The following CCDC171 variants were observed in gnomAD, a reference collection of about 807,000 sequenced individuals.
CCDC171 encodes coiled-coil domain-containing protein 171.
In CCDC171, 177 loss-of-function variants were observed where a neutral mutation model predicts 168.2. The ratio of observed to expected loss-of-function variants is 1.05; its 90% CI spans 0.93 to 1.19. CCDC171 has a LOEUF of 1.19. CCDC171 is among the 50% of genes most tolerant of loss of function. The pLI, the probability that CCDC171 is intolerant of heterozygous loss-of-function variation, is 0.00. For synonymous variants in CCDC171, 687 were observed against 540.8 expected (o/e 1.27, Z -3.75); for missense variants, 1,991 against 1,539.0 (o/e 1.29, Z -4.91).
At chr9:15,579,284 G>A (rs184488727) in intron 4 of CCDC171, among the ~76,000 whole-genome samples, 65 of 152,286 alleles carry the variant, frequency 4.3e-4, no homozygotes, top group Admixed American at 1.2e-3. Context: ...CTTTTTAGAA[G>A]CACTTCTTCC....
intron 2 of CCDC171, among the ~76,000 whole-genome samples, chr9:15,566,663 A>C (rs111645979): frequency 2.0e-5 from 3 of 152,328 alleles, no homozygotes; most frequent in African/African-American, 7.2e-5. Flanking sequence ...GAAATGCACA[A>C]GTTTTTAACT....
intron 3 of CCDC171, among the ~76,000 whole-genome samples, chr9:16,018,960 A>AC (rs372233520): frequency 6.6e-5 from 10 of 152,310 alleles, no homozygotes; most frequent in African/African-American, 2.4e-4. Context: ...AAGATTGAAC[A>AC]ATTTTTCCTA....
At chr9:15,681,780 C>G (rs1327906302) in intron 10 of CCDC171, among the ~76,000 whole-genome samples, 1 of 151,964 alleles carries the variant, frequency 6.6e-6, no homozygotes. Context: ...CATTCACAGT[C>G]TGGCTGTTAT....
chr9:16,036,568 C>T (rs942400424), intron 8 of CCDC171, among the ~76,000 whole-genome samples: 3 of 152,190 alleles, frequency 2.0e-5, no homozygotes, highest in Non-Finnish European at 4.4e-5. Flanking sequence ...GGCGTGAACC[C>T]GGGAGGTGGA....
At chr9:15,600,446 C>G (rs1037137709) in intron 6 of CCDC171, among the ~76,000 whole-genome samples, 3 of 152,196 alleles carry the variant, frequency 2.0e-5, no homozygotes, top group Non-Finnish European at 4.4e-5. Flanking sequence ...GGCTGCAGAA[C>G]AGCAGATATT....
chr9:15,755,377 A>G (rs7870166), intron 18 of CCDC171, among the ~76,000 whole-genome samples: 7,051 of 152,280 alleles, frequency 0.046, 352 homozygotes, highest in South Asian at 0.13. Flanking sequence ...AGTTCATTAA[A>G]AAGTTAAGCA....
intron 25 of CCDC171, among the ~76,000 whole-genome samples, chr9:15,957,858 T>A (rs1244189412): frequency 6.6e-6 from 1 of 152,168 alleles, no homozygotes; most frequent in Non-Finnish European, 1.5e-5. Context: ...TTTCTTTCTT[T>A]TTCTTAGTGG....
intron 16 of CCDC171, among the ~76,000 whole-genome samples, chr9:15,740,382 TC>T (rs1424910154): frequency 8.7e-6 from 1 of 115,182 alleles, no homozygotes; most frequent in Non-Finnish European, 2.0e-5. Context: ...GTTCCATTGG[TC>T]TTTTTTTTTT....
At position 15,581,212 on chromosome 9, in the gene CCDC171, T is replaced by TC. The variant is rs773921981; in HGVS notation, c.352+2190dup. On this transcript the variant is annotated intron_variant, in intron 4 of 25. Transcript: ENST00000380701. ...ACAAACAGAATAAAATACCTAGGAA[T>TC]CAACTTACAAGGGATGTGAAGGACC... Among the ~76,000 whole-genome samples, 5 of 151,958 alleles carry TC rather than the reference T, an allele frequency of 3.3e-5. No individual in the cohort carries two copies. In the East Asian group the frequency reaches 5.8e-4, roughly 18 times the overall value.
chr9:15,778,337 A>AT (rs2057454005), intron 19 of CCDC171, among the ~76,000 whole-genome samples: 1 of 135,692 alleles, frequency 7.4e-6, no homozygotes, highest in African/African-American at 3.0e-5. Context: ...AAAAAAAAAA[A>AT]AAAAAAAAAA....
intron 25 of CCDC171, among the ~76,000 whole-genome samples, chr9:15,943,389 T>G (rs1827941169): frequency 6.6e-6 from 1 of 152,052 alleles, no homozygotes. Flanking sequence ...GTGCTTGCTT[T>G]TATTTCTGCA....
At chr9:15,834,350 T>C (rs2060352439) in intron 21 of CCDC171, among the ~76,000 whole-genome samples, 1 of 152,196 alleles carries the variant, frequency 6.6e-6, no homozygotes, top group Admixed American at 6.5e-5. Flanking sequence ...TTTAATTCAT[T>C]TTAGAGGTAA....
chr9:15,554,257 T>A (rs1447212108), intron 1 of CCDC171, among the ~76,000 whole-genome samples: 3 of 152,196 alleles, frequency 2.0e-5, no homozygotes, highest in Non-Finnish European at 4.4e-5. Flanking sequence ...CCTGACATCG[T>A]GATCCGCCCG....
chr9:15,780,244 A>T (rs1010694451), intron 20 of CCDC171, among the ~76,000 whole-genome samples: 3 of 152,204 alleles, frequency 2.0e-5, no homozygotes, highest in Admixed American at 2.0e-4. Context: ...TTTTCGGTAA[A>T]TGTCTAAAGA....
At chr9:15,987,234 A>G (rs753267771) in intron 3 of CCDC171, among the ~76,000 whole-genome samples, 34 of 152,194 alleles carry the variant, frequency 2.2e-4, no homozygotes, top group Non-Finnish European at 3.8e-4. Flanking sequence ...TAACACACAT[A>G]TAAGAAAATG....
chr9:16,098,977 G>T, the CCDC171 span, among the ~76,000 whole-genome samples: 6 of 152,288 alleles, frequency 3.9e-5, no homozygotes, highest in South Asian at 1.2e-3. Context: ...TCTGACATAG[G>T]ATGGATATAA....
the CCDC171 span, among the ~76,000 whole-genome samples, chr9:16,073,259 G>A: frequency 1.3e-5 from 2 of 152,070 alleles, no homozygotes; most frequent in East Asian, 1.9e-4. Context: ...CCATATACTC[G>A]GGTTTGGTGT....
intron 21 of CCDC171, among the ~76,000 whole-genome samples, chr9:15,815,725 A>C (rs1319279128): frequency 8.5e-6 from 1 of 117,198 alleles, no homozygotes; most frequent in Non-Finnish European, 1.9e-5. Context: ...CTTAGTTGCC[A>C]AACCTTGGTT....
chr9:15,584,675 A>G (rs867008080), intron 4 of CCDC171, among the ~76,000 whole-genome samples: 4 of 152,162 alleles, frequency 2.6e-5, no homozygotes, highest in Non-Finnish European at 5.9e-5. Flanking sequence ...AGAAGACAGG[A>G]AGTCAGAGTA....
Sources: allele counts gnomAD v4.1 joint callset (sites outside exome capture counted in the v4.1 genomes callset), GRCh38; gene constraint gnomAD v4.1.1; transcripts MANE v1.5; gene names NCBI Gene and HGNC (gene_info 2026-07-23, HGNC 2026-07-21).